The following CDK14 variants were observed in gnomAD, a reference collection of about 807,000 sequenced individuals.
The protein encoded by CDK14 is cyclin-dependent kinase 14.
Under a neutral mutation model 60.7 loss-of-function variants are expected in CDK14, and 34 were observed. The ratio of observed to expected loss-of-function variants is 0.56; its 90% CI spans 0.43 to 0.75. The LOEUF (loss-of-function observed/expected upper bound fraction) is 0.75, where lower values mean the gene tolerates loss of function less well. Ranked by LOEUF, CDK14 falls within the 30% of genes least tolerant of loss-of-function variation. The probability of loss-of-function intolerance (pLI) is 0.00; values close to 1 mark genes in which losing one functional copy is unlikely to be tolerated. For missense variants in CDK14, 482 were observed against 564.1 expected (o/e 0.85, Z 1.47); for synonymous variants, 197 against 203.7 (o/e 0.97, Z 0.28).
intron 10 of CDK14, among the ~76,000 whole-genome samples, chr7:90,989,836 C>T (rs924531679): frequency 6.6e-6 from 1 of 152,058 alleles, no homozygotes; most frequent in Non-Finnish European, 1.5e-5. Context: ...TAGCTGTAAC[C>T]ATTTTTAATT....
chr7:91,148,718 GA>G (rs1482634898), intron 14 of CDK14, among the ~76,000 whole-genome samples: 2 of 152,222 alleles, frequency 1.3e-5, no homozygotes, highest in African/African-American at 4.8e-5. Flanking sequence ...GAAATCCTGA[GA>G]GGGGTGTATA....
chr7:90,824,070 T>C (rs1406562871), intron 5 of CDK14, among the ~76,000 whole-genome samples: 1 of 152,220 alleles, frequency 6.6e-6, no homozygotes, highest in Admixed American at 6.5e-5. Context: ...TGAATGAAGA[T>C]GCTTGTGATG....
At chr7:90,857,136 C>G (rs1790849244) in intron 5 of CDK14, among the ~76,000 whole-genome samples, 1 of 151,054 alleles carries the variant, frequency 6.6e-6, no homozygotes, top group African/African-American at 2.4e-5. Flanking sequence ...CACACCACTA[C>G]AGTGGGTATC....
chr7:90,772,621 G>A (rs540213390), intron 4 of CDK14, among the ~76,000 whole-genome samples: 38 of 152,230 alleles, frequency 2.5e-4, no homozygotes, highest in African/African-American at 4.1e-4. Context: ...AGTGAGGAAC[G>A]TGCTTGCTTC....
At chr7:90,816,565 A>G (rs988351245) in intron 5 of CDK14, among the ~76,000 whole-genome samples, 2 of 152,206 alleles carry the variant, frequency 1.3e-5, no homozygotes, top group African/African-American at 4.8e-5. Flanking sequence ...CAGGAGACCC[A>G]GGGATCTGTA....
chr7:90,971,136 A>C (rs531514319), intron 9 of CDK14, among the ~76,000 whole-genome samples: 1 of 146,032 alleles, frequency 6.8e-6, no homozygotes, highest in Non-Finnish European at 1.5e-5. Context: ...GTTCCCACCT[A>C]TGAGTGAGAA....
intron 8 of CDK14, among the ~76,000 whole-genome samples, chr7:90,946,677 T>A (rs1794111133): frequency 6.6e-6 from 1 of 152,214 alleles, no homozygotes; most frequent in Admixed American, 6.5e-5. Context: ...GTTTTAAAAA[T>A]TCACTTCAGT....
intron 2 of CDK14, among the ~76,000 whole-genome samples, chr7:90,665,902 A>G (rs983281746): frequency 8.5e-5 from 13 of 152,212 alleles, no homozygotes; most frequent in African/African-American, 3.1e-4. Flanking sequence ...TAAAATCATC[A>G]TGCTTCAGGA....
rs541098262 is a variant in CDK14, at chr7:91,205,013, C to T, written c.*29-2152C>T. ...AATGCAAGTGCAAATCAGTTCATACCCACTAGGATGGCTATAATTTTTTTT... is the reference window on the plus strand; with the variant it reads ...AATGCAAGTGCAAATCAGTTCATACTCACTAGGATGGCTATAATTTTTTTT... On this transcript the variant is annotated intron_variant, in intron 14 of 14. Coordinates refer to ENST00000380050, the MANE Select transcript of CDK14 (RefSeq NM_001287135.2). 1.8e-3 allele frequency among the ~76,000 whole-genome samples: 275 copies of T among 151,652 alleles called. 1 individual carries two copies. The highest frequency in any genetic ancestry group is 6.3e-3 in the African/African-American group (262 of 41,408).
intron 2 of CDK14, among the ~76,000 whole-genome samples, chr7:90,651,482 C>T (rs559351425): frequency 7.9e-5 from 12 of 152,242 alleles, no homozygotes; most frequent in Middle Eastern, 3.4e-3. Context: ...ATTGGGGTTG[C>T]CTCTGTGACC....
chr7:90,829,332 A>G (rs1789832903), intron 5 of CDK14, among the ~76,000 whole-genome samples: 1 of 152,136 alleles, frequency 6.6e-6, no homozygotes, highest in Non-Finnish European at 1.5e-5. Context: ...TACTAACTCA[A>G]AAGTCCAAGT....
intron 13 of CDK14, 151 bp from the exon 14 acceptor site, chr7:91,117,914 G>T: frequency 2.0e-6 from 1 of 494,430 alleles, no homozygotes; most frequent in Admixed American, 3.5e-5. Context: ...GTGTGCCTGC[G>T]ACCACCTGGC....
intron 10 of CDK14, among the ~76,000 whole-genome samples, chr7:91,028,058 G>A (rs1468014501): frequency 1.4e-5 from 2 of 145,798 alleles, no homozygotes; most frequent in Non-Finnish European, 3.0e-5. Flanking sequence ...CATCCTTCCT[G>A]CTTCTGAGTC....
At chr7:91,030,355 T>C (rs1460953079) in intron 10 of CDK14, among the ~76,000 whole-genome samples, 2 of 152,156 alleles carry the variant, frequency 1.3e-5, no homozygotes, top group Non-Finnish European at 2.9e-5. Context: ...AATGTATGCA[T>C]TTTCTTTCAG....
At chr7:90,692,937 A>G (rs1006718638) in intron 2 of CDK14, among the ~76,000 whole-genome samples, 2 of 141,920 alleles carry the variant, frequency 1.4e-5, no homozygotes, top group Non-Finnish European at 3.1e-5. Flanking sequence ...TCCATCAAGT[A>G]AAAAAAAAAA....
chr7:90,931,446 C>T (rs1562833109), intron 8 of CDK14, among the ~76,000 whole-genome samples: 1 of 152,156 alleles, frequency 6.6e-6, no homozygotes, highest in Admixed American at 6.5e-5. Context: ...AACTCAACAC[C>T]TTTTAAAGTG....
At chr7:91,200,848 A>G (rs1042279075) in intron 14 of CDK14, among the ~76,000 whole-genome samples, 1 of 152,236 alleles carries the variant, frequency 6.6e-6, no homozygotes, top group Non-Finnish European at 1.5e-5. Context: ...GTAATTTACC[A>G]GAACATGTGG....
intron 2 of CDK14, among the ~76,000 whole-genome samples, chr7:90,652,850 G>A (rs906311363): frequency 6.6e-6 from 1 of 152,160 alleles, no homozygotes; most frequent in Admixed American, 6.5e-5. Flanking sequence ...TAAACCTTAG[G>A]TTGGCCTGAG....
At chr7:90,941,660 C>T (rs1245806048) in intron 8 of CDK14, among the ~76,000 whole-genome samples, 2 of 151,736 alleles carry the variant, frequency 1.3e-5, no homozygotes, top group South Asian at 2.1e-4. Context: ...TGCTATGTTG[C>T]CCAGGCTGGA....
Sources: allele counts gnomAD v4.1 joint callset (sites outside exome capture counted in the v4.1 genomes callset), GRCh38; gene constraint gnomAD v4.1.1; transcripts MANE v1.5; gene names NCBI Gene and HGNC (gene_info 2026-07-23, HGNC 2026-07-21).